Variants in DLC1 observed in about 807,000 individuals in gnomAD.
DLC1 encodes rho GTPase-activating protein 7.
A neutral mutation model predicts 140.3 loss-of-function variants in DLC1; 54 were observed. That is an observed-to-expected ratio of 0.38 (90% CI 0.31 to 0.48). DLC1 has a LOEUF of 0.48. Ranked by LOEUF, DLC1 falls within the 20% of genes least tolerant of loss-of-function variation. The pLI, the probability that DLC1 is intolerant of heterozygous loss-of-function variation, is 0.96. For synonymous variants in DLC1, 986 were observed against 728.1 expected, an observed-to-expected ratio of 1.35 and a Z score of -5.70; for missense variants, 2,536 against 1,907.0, an observed-to-expected ratio of 1.33 and a Z score of -6.14.
At chr8:13,365,143 C>T (rs956205618) in intron 4 of DLC1, among the ~76,000 whole-genome samples, 1 of 152,168 alleles carries the variant, frequency 6.6e-6, no homozygotes, top group Admixed American at 6.6e-5. Flanking sequence ...ATGTCACAAC[C>T]TCTATCCTGT....
At chr8:13,588,192 A>G (rs1350589640) in intron 1 of DLC1, among the ~76,000 whole-genome samples, 1 of 152,054 alleles carries the variant, frequency 6.6e-6, no homozygotes, top group Non-Finnish European at 1.5e-5. Context: ...GAGAAAACAG[A>G]TGAACAATGG....
chr8:13,249,443 T>A (rs77597953), intron 5 of DLC1, among the ~76,000 whole-genome samples: 15,935 of 152,124 alleles, frequency 0.1, 1,088 homozygotes, highest in South Asian at 0.16. Context: ...ACTATTGGTA[T>A]CCTCTATCTC....
intron 1 of DLC1, among the ~76,000 whole-genome samples, chr8:13,571,331 C>G (rs920647731): frequency 6.6e-6 from 1 of 152,134 alleles, no homozygotes; most frequent in African/African-American, 2.4e-5. Context: ...TTTATCACCT[C>G]AAACAGAAAC....
At chr8:13,217,193 A>T (rs1445684344) in intron 5 of DLC1, among the ~76,000 whole-genome samples, 3 of 152,204 alleles carry the variant, frequency 2.0e-5, no homozygotes. Flanking sequence ...TAGCTGTGAG[A>T]TGCTTGCTTT....
chr8:13,491,678 A>G (rs1801251756), intron 2 of DLC1, among the ~76,000 whole-genome samples: 1 of 152,098 alleles, frequency 6.6e-6, no homozygotes, highest in Non-Finnish European at 1.5e-5. Context: ...CTCAGTCTTG[A>G]AGGTTTCCTC....
chr8:13,353,421 T>C (rs915326279), intron 4 of DLC1: 1 of 151,934 alleles, frequency 6.6e-6, no homozygotes, highest in African/African-American at 2.4e-5. Flanking sequence ...GGTTGCCCCA[T>C]TGAGTAATGA....
chr8:13,387,551 A>G (rs1563305084), intron 4 of DLC1, among the ~76,000 whole-genome samples: 1 of 152,006 alleles, frequency 6.6e-6, no homozygotes, highest in Non-Finnish European at 1.5e-5. Context: ...ACTTTAGTTT[A>G]ATGATCATAT....
intron 4 of DLC1, among the ~76,000 whole-genome samples, chr8:13,319,479 G>GT (rs202141458): frequency 1.1e-4 from 13 of 116,306 alleles, no homozygotes; most frequent in East Asian, 5.6e-4. Context: ...CGGGGCGGGG[G>GT]GGGGGGGTGG....
At chr8:13,393,949 T>C (rs530780498) in intron 3 of DLC1, among the ~76,000 whole-genome samples, 1 of 152,302 alleles carries the variant, frequency 6.6e-6, no homozygotes, top group African/African-American at 2.4e-5. Flanking sequence ...TGAGTGTGCA[T>C]TGGAAAGGCA....
At chr8:13,289,927 T>C (rs1291166415) in intron 5 of DLC1, among the ~76,000 whole-genome samples, 1 of 152,212 alleles carries the variant, frequency 6.6e-6, no homozygotes, top group African/African-American at 2.4e-5. Flanking sequence ...GGTTGGCTAA[T>C]GGCAAATATG....
intron 5 of DLC1, among the ~76,000 whole-genome samples, chr8:13,189,032 G>C (rs974039003): frequency 6.6e-6 from 1 of 151,028 alleles, no homozygotes; most frequent in Admixed American, 6.6e-5. Context: ...TATGGACCAA[G>C]CCTTTTCTCA....
At chr8:13,130,281 G>C (rs1821970815) in intron 5 of DLC1, among the ~76,000 whole-genome samples, 1 of 152,114 alleles carries the variant, frequency 6.6e-6, no homozygotes, top group Middle Eastern at 3.2e-3. Context: ...TCTCAACTGT[G>C]GCCTCCCATA....
At chr8:13,262,283 C>T (rs1830498178) in intron 5 of DLC1, among the ~76,000 whole-genome samples, 1 of 151,662 alleles carries the variant, frequency 6.6e-6, no homozygotes, top group Non-Finnish European at 1.5e-5. Context: ...AAGAAGAGAA[C>T]AATTTTAAAG....
At chr8:13,374,609 C>G (rs918464517) in intron 4 of DLC1, among the ~76,000 whole-genome samples, 1 of 152,098 alleles carries the variant, frequency 6.6e-6, no homozygotes, top group South Asian at 2.1e-4. Context: ...ATGGTGAAAC[C>G]CCATCTCTGC....
intron 2 of DLC1, among the ~76,000 whole-genome samples, chr8:13,425,686 A>G (rs932150555): frequency 2.0e-5 from 3 of 152,208 alleles, no homozygotes; most frequent in East Asian, 1.9e-4. Context: ...AAATCACATT[A>G]TCATGGTCAA....
At chr8:13,333,107 G>T (rs1211323078) in intron 4 of DLC1, among the ~76,000 whole-genome samples, 2 of 151,930 alleles carry the variant, frequency 1.3e-5, no homozygotes, top group African/African-American at 4.8e-5. Context: ...TATATAAATT[G>T]TTTAAATTAT....
chr8:13,154,860 A>C (rs147683829), intron 5 of DLC1, among the ~76,000 whole-genome samples: 7 of 152,244 alleles, frequency 4.6e-5, no homozygotes, highest in African/African-American at 1.7e-4. Flanking sequence ...AATAAGCGCT[A>C]TTAAAATTTT....
Position 13,576,576 on chromosome 8 carries a change from T to G in DLC1, c.-126+27961A>C, listed in dbSNP as rs552530871. Among the ~76,000 whole-genome samples, 55 of 152,374 alleles carry G rather than the reference T, an allele frequency of 3.6e-4. 1 individual carries two copies. Among genetic ancestry groups the G allele is most frequent in the Non-Finnish European group, 1.0e-4 (7 of 68,034 alleles). On this transcript the variant is annotated intron_variant, in intron 1 of 1. Transcript: ENST00000631382. ...GGGTTCTGAGAGAGTCGATTGCTAT[T>G]TCTTACAGATAGAGAAGTCTTCAGC...
At chr8:13,366,681 A>T (rs1228537254) in intron 4 of DLC1, among the ~76,000 whole-genome samples, 1 of 152,166 alleles carries the variant, frequency 6.6e-6, no homozygotes, top group East Asian at 1.9e-4. Context: ...TCCCCTGACT[A>T]GGTCTTCTCT....
Sources: allele counts gnomAD v4.1 joint callset (sites outside exome capture counted in the v4.1 genomes callset), GRCh38; gene constraint gnomAD v4.1.1; transcripts MANE v1.5; gene names NCBI Gene and HGNC (gene_info 2026-07-23, HGNC 2026-07-21).